Variants in MAGI1 observed in about 807,000 individuals in gnomAD.
MAGI1 encodes membrane-associated guanylate kinase, WW and PDZ domain-containing protein 1.
A neutral mutation model predicts 139.9 loss-of-function variants in MAGI1; 58 were observed. The observed-to-expected ratio is 0.41, with a 90% CI of 0.34 to 0.52. The LOEUF (loss-of-function observed/expected upper bound fraction) is 0.52. Among genes scored for constraint, MAGI1 ranks in the 20% least tolerant of loss-of-function variants. The pLI, the probability that MAGI1 is intolerant of heterozygous loss-of-function variation, is 0.12. For synonymous variants in MAGI1, 812 were observed against 737.9 expected (o/e 1.10, Z -1.63); for missense variants, 1,874 against 1,901.6 (o/e 0.99, Z 0.27).
chr3:65,589,185 G>C (rs2081841389), intron 2 of MAGI1, among the ~76,000 whole-genome samples: 1 of 152,134 alleles, frequency 6.6e-6, no homozygotes, highest in Admixed American at 6.5e-5. Context: ...ATGATGGCAA[G>C]AAGGATTCAT....
chr3:65,611,868 T>C (rs2083143788), intron 2 of MAGI1, among the ~76,000 whole-genome samples: 1 of 151,786 alleles, frequency 6.6e-6, no homozygotes, highest in Non-Finnish European at 1.5e-5. Context: ...CACTTAACTT[T>C]ATTAGCCTCA....
chr3:65,763,166 T>A (rs991131329), intron 1 of MAGI1, among the ~76,000 whole-genome samples: 15 of 152,130 alleles, frequency 9.9e-5, no homozygotes, highest in African/African-American at 3.6e-4. Flanking sequence ...ATTCGTATCA[T>A]CAAGGATGGG....
At chr3:65,675,335 C>G (rs1386722559) in intron 1 of MAGI1, among the ~76,000 whole-genome samples, 1 of 152,088 alleles carries the variant, frequency 6.6e-6, no homozygotes, top group Non-Finnish European at 1.5e-5. Flanking sequence ...AGATGCTTGC[C>G]TAGAATAAAT....
chr3:65,815,157 A>G (rs2041520539), intron 1 of MAGI1, among the ~76,000 whole-genome samples: 1 of 152,204 alleles, frequency 6.6e-6, no homozygotes, highest in Admixed American at 6.5e-5. Context: ...GCTAGTGGAA[A>G]TCTCAATGAT....
At chr3:65,383,439 C>T (rs1943211720) in intron 15 of MAGI1, 93 bp downstream of exon 15, 3 of 902,542 alleles carry the variant, frequency 3.3e-6, no homozygotes, top group Non-Finnish European at 5.6e-6. Flanking sequence ...TTGCATCTAG[C>T]TGGACTTAAA....
Position 65,548,509 on chromosome 3 carries a change from C to CTTTTT in MAGI1, c.431-54879_431-54878insAAAAA, listed in dbSNP as rs1306099660. ...TGAGCCCAGCTTTATGCAAACAACACTCTTTTTTTTTTTTTTTTTTTTTTT... is the reference window on the plus strand; with the variant it reads ...TGAGCCCAGCTTTATGCAAACAACACTTTTTTCTTTTTTTTTTTTTTTTTTTTTTT... On this transcript the variant is annotated intron_variant, in intron 2 of 22. Transcript: ENST00000402939. 9.9e-4 allele frequency among the ~76,000 whole-genome samples: 116 copies of CTTTTT among 117,388 alleles called. 7 individuals are homozygous for CTTTTT. Among genetic ancestry groups the CTTTTT allele is most frequent in the South Asian group, 4.0e-3 (13 of 3,268 alleles). 77.0% of individuals were successfully genotyped at this position (117,388 alleles called of 152,430 possible).
At chr3:65,989,131 CAG>C (rs569545802) in intron 1 of MAGI1, among the ~76,000 whole-genome samples, 16 of 152,316 alleles carry the variant, frequency 1.1e-4, no homozygotes, top group African/African-American at 3.4e-4. Flanking sequence ...GCTTCCTATG[CAG>C]ACACTATTCA....
At chr3:66,006,152 T>C (rs1161567468) in intron 1 of MAGI1, among the ~76,000 whole-genome samples, 1 of 152,210 alleles carries the variant, frequency 6.6e-6, no homozygotes, top group Admixed American at 6.5e-5. Context: ...TTAGCCCTTA[T>C]TGTCTATTGC....
intron 2 of MAGI1, among the ~76,000 whole-genome samples, chr3:65,613,237 C>T (rs2083208306): frequency 1.3e-5 from 2 of 152,116 alleles, no homozygotes; most frequent in African/African-American, 4.8e-5. Context: ...ATACAGAATA[C>T]AGGACTGATA....
At chr3:65,501,237 T>C (rs1397208405) in intron 2 of MAGI1, among the ~76,000 whole-genome samples, 3 of 151,918 alleles carry the variant, frequency 2.0e-5, no homozygotes, top group Non-Finnish European at 4.4e-5. Context: ...TCCCAGCACT[T>C]TGGGAGGCCG....
intron 1 of MAGI1, among the ~76,000 whole-genome samples, chr3:65,976,646 A>T (rs2065281480): frequency 6.6e-6 from 1 of 152,192 alleles, no homozygotes; most frequent in South Asian, 2.1e-4. Flanking sequence ...AACAAAAAAA[A>T]GACCTTTCTC....
At chr3:65,941,748 T>C (rs2063325043) in intron 1 of MAGI1, among the ~76,000 whole-genome samples, 1 of 152,168 alleles carries the variant, frequency 6.6e-6, no homozygotes, top group Admixed American at 6.5e-5. Flanking sequence ...TGTTTCCCAA[T>C]GGCTTTCAGG....
chr3:65,713,072 A>G (rs74492329), intron 1 of MAGI1, among the ~76,000 whole-genome samples: 2,257 of 152,328 alleles, frequency 0.015, 57 homozygotes, highest in African/African-American at 0.051. Flanking sequence ...AATGCAGTAA[A>G]GACAGAAAGT....
intron 1 of MAGI1, among the ~76,000 whole-genome samples, chr3:65,936,957 G>C (rs1449885827): frequency 1.3e-5 from 2 of 149,950 alleles, no homozygotes; most frequent in Non-Finnish European, 1.5e-5. Flanking sequence ...GATGGTGATG[G>C]TGGTGGTGGT....
At chr3:65,546,328 T>C (rs1299010197) in intron 2 of MAGI1, among the ~76,000 whole-genome samples, 1 of 152,142 alleles carries the variant, frequency 6.6e-6, no homozygotes, top group Non-Finnish European at 1.5e-5. Flanking sequence ...AAACAATACG[T>C]CATTATTTCG....
intron 1 of MAGI1, among the ~76,000 whole-genome samples, chr3:65,962,830 G>GAAA (rs777177760): frequency 3.4e-5 from 2 of 59,202 alleles, no homozygotes; most frequent in African/African-American, 5.0e-5. Context: ...GTCTCGGGGG[G>GAAA]AAAAAAAAAA....
chr3:65,446,982 AC>A (rs1399712854), intron 7 of MAGI1, among the ~76,000 whole-genome samples: 1 of 152,242 alleles, frequency 6.6e-6, no homozygotes, highest in Admixed American at 6.5e-5. Context: ...ATCTCACGTA[AC>A]AAAAATAAAG....
intron 1 of MAGI1, among the ~76,000 whole-genome samples, chr3:65,948,949 C>A (rs1386774661): frequency 6.6e-6 from 1 of 152,108 alleles, no homozygotes; most frequent in African/African-American, 2.4e-5. Context: ...TTCCAACTGC[C>A]CAGTAACCAG....
At chr3:65,571,601 A>G (rs2080963131) in intron 2 of MAGI1, among the ~76,000 whole-genome samples, 1 of 151,986 alleles carries the variant, frequency 6.6e-6, no homozygotes, top group South Asian at 2.1e-4. Flanking sequence ...TTCTCTGAGT[A>G]ATTTATTACA....
Sources: gnomAD v4.1 joint callset for allele counts (sites outside exome capture counted in the v4.1 genomes callset) on GRCh38, gnomAD v4.1.1 for gene constraint, MANE v1.5 for transcripts, NCBI Gene and HGNC (gene_info 2026-07-23, HGNC 2026-07-21) for gene names.